The following PDE8B variants were observed in gnomAD, a reference collection of about 807,000 sequenced individuals.
PDE8B encodes phosphodiesterase 8B.
PDE8B carries 26 observed loss-of-function variants against 101.3 expected under a neutral mutation model. The ratio of observed to expected loss-of-function variants is 0.26; its 90% CI spans 0.19 to 0.36. The LOEUF is 0.36. Ranked by LOEUF, PDE8B falls within the 10% of genes least tolerant of loss-of-function variation. PDE8B has a pLI of 1.00. For missense variants in PDE8B, 810 were observed against 1,163.1 expected (o/e 0.70, Z 4.42); for synonymous variants, 424 against 429.3 (o/e 0.99, Z 0.15).
chr5:77,379,961 C>T (rs981640180), intron 10 of PDE8B, among the ~76,000 whole-genome samples: 1 of 152,180 alleles, frequency 6.6e-6, no homozygotes, highest in South Asian at 2.1e-4. Context: ...AGTCTTGTCA[C>T]AAACATGAAA....
chr5:77,363,193 G>T (rs1783459427), intron 10 of PDE8B, among the ~76,000 whole-genome samples: 1 of 152,196 alleles, frequency 6.6e-6, no homozygotes, highest in African/African-American at 2.4e-5. Context: ...TTCTACAGAT[G>T]AGGAAACTGA....
At chr5:77,195,147 C>A in the PDE8B span, among the ~76,000 whole-genome samples, 2 of 152,212 alleles carry the variant, frequency 1.3e-5, no homozygotes, top group South Asian at 4.1e-4. Context: ...AAGGTGCCTG[C>A]ATCCATTGAG....
At chr5:77,209,818 C>T (rs1037287644), upstream of PDE8B, among the ~76,000 whole-genome samples, 1 of 152,206 alleles carries the variant, frequency 6.6e-6, no homozygotes, top group East Asian at 1.9e-4. Context: ...AGCCAAGAAC[C>T]ATCAGACAGC....
At chr5:77,199,370 A>T in the PDE8B span, among the ~76,000 whole-genome samples, 8 of 152,256 alleles carry the variant, frequency 5.3e-5, no homozygotes, top group African/African-American at 1.9e-4. Flanking sequence ...GGAGAAGGAA[A>T]ATCTTAAATA....
the PDE8B span, among the ~76,000 whole-genome samples, chr5:77,124,432 C>T: frequency 6.6e-6 from 1 of 151,780 alleles, no homozygotes; most frequent in South Asian, 2.1e-4. Context: ...ACACAAAATA[C>T]AAAAAATTAT....
the PDE8B span, among the ~76,000 whole-genome samples, chr5:77,098,315 G>A: frequency 2.1e-5 from 3 of 145,766 alleles, no homozygotes; most frequent in African/African-American, 7.7e-5. Flanking sequence ...AGAAAGTCTT[G>A]TTCTGTCACC....
intron 10 of PDE8B, among the ~76,000 whole-genome samples, chr5:77,388,807 C>T (rs538136862): frequency 5.9e-5 from 9 of 152,250 alleles, no homozygotes; most frequent in African/African-American, 2.2e-4. Context: ...CTGGCCACAG[C>T]GGCCTTACTG....
the PDE8B span, among the ~76,000 whole-genome samples, chr5:77,159,658 G>T: frequency 6.6e-6 from 1 of 152,182 alleles, no homozygotes; most frequent in Non-Finnish European, 1.5e-5. Flanking sequence ...GGAGAACCTT[G>T]ATTACTACAG....
intron 1 of PDE8B, among the ~76,000 whole-genome samples, chr5:77,284,870 A>G (rs1009641776): frequency 6.6e-6 from 1 of 152,200 alleles, no homozygotes; most frequent in African/African-American, 2.4e-5. Flanking sequence ...TTCAATGTTA[A>G]TGGACATTTG....
At chr5:77,143,204 G>A in the PDE8B span, among the ~76,000 whole-genome samples, 3 of 152,124 alleles carry the variant, frequency 2.0e-5, no homozygotes, top group East Asian at 1.9e-4. Context: ...ATCATCTTGC[G>A]TCTTCTATTC....
rs534526225 is a variant in PDE8B at position 77,418,103 on chromosome 5, G to A, written c.1912-126G>A. On this transcript the variant is annotated intron_variant, in intron 17 of 21. Transcript: ENST00000264917. ...CGCCTCTCCACATCTAGGTCAGAAG[G>A]CTCAGCTGGCTAAAAACGTTCTGAA... 87 of 718,792 alleles carry A rather than the reference G, an allele frequency of 1.2e-4. No homozygotes were observed. The African/African-American group carries it at 1.3e-3, about 11-fold the overall frequency. 44.5% of individuals were successfully genotyped at this position (718,792 alleles called of 1,614,324 possible).
chr5:77,291,895 C>G, intron 1 of PDE8B: 10 of 1,137,838 alleles, frequency 8.8e-6, no homozygotes, highest in Non-Finnish European at 1.3e-5. Context: ...TGAATAAATG[C>G]ATTATTATGA....
rs1796276996 is a variant in PDE8B, at chr5:77,419,873, C to G, written c.2236C>G (p.Pro746Ala). 1 of 1,613,894 alleles carries G rather than the reference C, an allele frequency of 6.2e-7. No individual in the cohort carries two copies. The highest frequency in any genetic ancestry group is 1.3e-5 in the African/African-American group (1 of 74,938). The change falls in exon 19 of 22, where the codon CCA becomes GCA. Residue 746 changes from proline (P) to alanine (A), a missense_variant. Around this residue, in one of 4 missense-constraint regions of PDE8B, gnomAD observed 325 missense variants for 560.9 expected, o/e 0.58. Transcript: ENST00000264917. Reference protein sequence around the residue: ...VNKFVNSINKPMAAEIEGSDC... With the variant: ...VNKFVNSINKAMAAEIEGSDC... ...TAAGTTTGTGAACAGCATCAACAAG[C>G]CAATGGCAGCTGAGGTGAGTACTGC...
intron 10 of PDE8B, chr5:77,358,520 C>G (rs1782525192): frequency 5.5e-6 from 4 of 722,812 alleles, no homozygotes; most frequent in Non-Finnish European, 6.8e-6. Context: ...TATGTATGCC[C>G]CATAGACATC....
intron 1 of PDE8B, 49 bp from the exon 2 acceptor site, chr5:77,311,945 T>C (rs1227309822): frequency 7.2e-7 from 1 of 1,396,502 alleles, no homozygotes. Context: ...GATGTATCCA[T>C]TTGTGTAGTT....
chr5:77,268,412 T>C (rs181561659), intron 1 of PDE8B, among the ~76,000 whole-genome samples: 100 of 152,272 alleles, frequency 6.6e-4, no homozygotes, highest in African/African-American at 2.3e-3. Flanking sequence ...TTGTTGACTA[T>C]AATCACCCTG....
chr5:77,133,635 T>C, the PDE8B span, among the ~76,000 whole-genome samples: 1 of 152,198 alleles, frequency 6.6e-6, no homozygotes, highest in Non-Finnish European at 1.5e-5. Context: ...GGATGAGACA[T>C]TTTCTAAAAC....
intron 11 of PDE8B, among the ~76,000 whole-genome samples, chr5:77,404,237 C>A (rs1311117575): frequency 5.9e-5 from 9 of 152,180 alleles, no homozygotes; most frequent in Admixed American, 5.2e-4. Flanking sequence ...CTGCCCGTCT[C>A]AGCCTCCCAA....
At chr5:77,382,131 T>C (rs993222855) in intron 10 of PDE8B, among the ~76,000 whole-genome samples, 19 of 152,226 alleles carry the variant, frequency 1.2e-4, no homozygotes, top group Admixed American at 9.8e-4. Context: ...TCTTTAACCA[T>C]ATAGAGTTAG....
Sources: gnomAD v4.1 joint callset for allele counts (sites outside exome capture counted in the v4.1 genomes callset) on GRCh38, gnomAD v4.1.1 for gene constraint, gnomAD v4.1.1 regional missense constraint, MANE v1.5 for transcripts, NCBI Gene and HGNC (gene_info 2026-07-23, HGNC 2026-07-21) for gene names.